The following PRKCA variants were observed in gnomAD, a reference collection of about 807,000 sequenced individuals.
PRKCA encodes protein kinase C alpha type.
In PRKCA, 27 loss-of-function variants were observed where a neutral mutation model predicts 87.0. That is an observed-to-expected ratio of 0.31 (90% CI 0.23 to 0.43). PRKCA has a LOEUF of 0.43. Among genes scored for constraint, PRKCA ranks in the 20% least tolerant of loss-of-function variants. The pLI is 1.00. For missense variants in PRKCA, 518 were observed against 852.3 expected (o/e 0.61, Z 4.88); for synonymous variants, 329 against 311.1 (o/e 1.06, Z -0.61).
intron 2 of PRKCA, among the ~76,000 whole-genome samples, chr17:66,488,027 T>G (rs1336682040): frequency 3.3e-5 from 5 of 152,188 alleles, no homozygotes; most frequent in Admixed American, 6.5e-5. Flanking sequence ...CAGACCATAA[T>G]GCCCTGTAGC....
intron 2 of PRKCA, among the ~76,000 whole-genome samples, chr17:66,316,239 G>T (rs1905309620): frequency 6.6e-6 from 1 of 152,178 alleles, no homozygotes; most frequent in Admixed American, 6.5e-5. Flanking sequence ...GGAAAAATAT[G>T]TAGGGAGCTA....
intron 3 of PRKCA, among the ~76,000 whole-genome samples, chr17:66,528,422 C>T (rs1024919688): frequency 6.6e-6 from 1 of 152,002 alleles, no homozygotes; most frequent in Admixed American, 6.5e-5. Flanking sequence ...TTAAGGGTCT[C>T]GTGAGAGATT....
At chr17:66,632,123 T>C (rs1411208519) in intron 3 of PRKCA, among the ~76,000 whole-genome samples, 1 of 152,156 alleles carries the variant, frequency 6.6e-6, no homozygotes, top group Non-Finnish European at 1.5e-5. Flanking sequence ...GCTAGGCTTT[T>C]CCCCCAATGG....
chr17:66,683,098 A>G (rs1972532901), intron 5 of PRKCA, among the ~76,000 whole-genome samples: 1 of 152,214 alleles, frequency 6.6e-6, no homozygotes, highest in Admixed American at 6.5e-5. Flanking sequence ...GCGCTTGTTA[A>G]TTTCCCCTTT....
chr17:66,761,096 G>A (rs1030213733), intron 13 of PRKCA, among the ~76,000 whole-genome samples: 2 of 152,236 alleles, frequency 1.3e-5, no homozygotes, highest in East Asian at 3.9e-4. Context: ...CATAGGCTGG[G>A]CGCAGTGGCT....
At chr17:66,636,386 T>A (rs1217427985) in intron 3 of PRKCA, among the ~76,000 whole-genome samples, 1 of 152,190 alleles carries the variant, frequency 6.6e-6, no homozygotes, top group African/African-American at 2.4e-5. Context: ...AAGAGGTGGT[T>A]TGGGTTAGCA....
Position 66,393,158 on chromosome 17 carries a change from G to A in PRKCA, c.205+87031G>A, listed in dbSNP as rs545413951. 2.6e-5 allele frequency among the ~76,000 whole-genome samples: 4 copies of A among 152,298 alleles called. No individual in the cohort carries two copies. The East Asian group carries it at 7.7e-4, about 29-fold the overall frequency. ...GGTGGGAAGTGGTGGGGAGGGGGAA[G>A]CTTAGCAAATCTGGGTATTGGTTTT... On this transcript the variant is annotated intron_variant, in intron 2 of 16. Coordinates refer to ENST00000413366, the MANE Select transcript of PRKCA (RefSeq NM_002737.3).
rs747205555 is a variant in PRKCA at position 66,803,495 on chromosome 17, C to T, written c.1855-378C>T. ...AGGGGTAACTGCCTGCAGCCCCAGC[C>T]GACATCCTGGCCTTTCAACACGGAG... On this transcript the variant is annotated intron_variant, in intron 16 of 16. Transcript: ENST00000413366. The surrounding 1 kb of genome is among the most constrained non-coding windows in gnomAD (Gnocchi z 4.4). Among the ~76,000 whole-genome samples the T allele has an allele frequency of 4.2e-4, 64 of 152,330 alleles. No individual in the cohort carries two copies. The highest frequency in any genetic ancestry group is 7.3e-4 in the Non-Finnish European group (50 of 68,030).
At chr17:66,361,433 T>A (rs1180111108) in intron 2 of PRKCA, among the ~76,000 whole-genome samples, 1 of 151,958 alleles carries the variant, frequency 6.6e-6, no homozygotes, top group South Asian at 2.1e-4. Context: ...TGCCTCAGTC[T>A]CTCGAGTAGC....
At chr17:66,761,743 A>G (rs1280355120) in intron 13 of PRKCA, among the ~76,000 whole-genome samples, 1 of 151,894 alleles carries the variant, frequency 6.6e-6, no homozygotes, top group African/African-American at 2.4e-5. Context: ...TTTTTTTTAT[A>G]TAATGCACTT....
chr17:66,335,713 C>T (rs1906621071), intron 2 of PRKCA, among the ~76,000 whole-genome samples: 1 of 152,002 alleles, frequency 6.6e-6, no homozygotes, highest in African/African-American at 2.4e-5. Flanking sequence ...TTTAATATTC[C>T]ATTTTGTAGA....
At chr17:66,664,402 G>T (rs74859434) in intron 5 of PRKCA, among the ~76,000 whole-genome samples, 113 of 152,300 alleles carry the variant, frequency 7.4e-4, no homozygotes, top group African/African-American at 2.6e-3. Flanking sequence ...GTGAGGCTGT[G>T]CATTTGGTTT....
chr17:66,798,389 G>GTGGTGGTGGTGGTGGTGA (rs1975722915), intron 16 of PRKCA, among the ~76,000 whole-genome samples: 1 of 105,910 alleles, frequency 9.4e-6, no homozygotes, highest in Non-Finnish European at 1.8e-5. Flanking sequence ...GGTGGTGGTG[G>GTGGTGGTGGTGGTGGTGA]TGGTGGTGGT....
intron 2 of PRKCA, among the ~76,000 whole-genome samples, chr17:66,377,461 T>TTA (rs1303279955): frequency 2.0e-5 from 3 of 150,974 alleles, no homozygotes; most frequent in African/African-American, 4.9e-5. Flanking sequence ...ACAGCTGCTT[T>TTA]TATATATATA....
chr17:66,761,200 T>C (rs192664324), intron 13 of PRKCA, among the ~76,000 whole-genome samples: 1 of 151,844 alleles, frequency 6.6e-6, no homozygotes, highest in Admixed American at 6.6e-5. Context: ...TGAAACTCAG[T>C]CTCTACTAAA....
intron 2 of PRKCA, among the ~76,000 whole-genome samples, chr17:66,453,142 A>G (rs1914408339): frequency 6.6e-6 from 1 of 152,174 alleles, no homozygotes; most frequent in Middle Eastern, 3.4e-3. Flanking sequence ...GGATGTGGAA[A>G]TATCCCAAGC....
At chr17:66,641,923 AATG>A (rs1971307068) in intron 4 of PRKCA, among the ~76,000 whole-genome samples, 1 of 152,258 alleles carries the variant, frequency 6.6e-6, no homozygotes, top group South Asian at 2.1e-4. Flanking sequence ...CTGAAACCAA[AATG>A]AACATAAAAA....
intron 8 of PRKCA, among the ~76,000 whole-genome samples, chr17:66,731,931 A>G (rs1973908730): frequency 6.7e-6 from 1 of 150,008 alleles, no homozygotes; most frequent in Non-Finnish European, 1.5e-5. Flanking sequence ...CTGGGATTAC[A>G]GGCACGCACC....
chr17:66,704,660 C>G (rs190247424), intron 8 of PRKCA, among the ~76,000 whole-genome samples: 1 of 152,196 alleles, frequency 6.6e-6, no homozygotes, highest in Admixed American at 6.5e-5. Context: ...CCAGATACTA[C>G]AGGAAGTATC....
Sources: allele counts gnomAD v4.1 joint callset (sites outside exome capture counted in the v4.1 genomes callset), GRCh38; gene constraint gnomAD v4.1.1; non-coding constraint Gnocchi (gnomAD v3.1); transcripts MANE v1.5; gene names NCBI Gene and HGNC (gene_info 2026-07-23, HGNC 2026-07-21).